The following ASB16 variants were observed in gnomAD, a reference collection of about 807,000 sequenced individuals.
ASB16 encodes ankyrin repeat and SOCS box containing 16, also known as ankyrin repeat and SOCS box protein 16.
ASB16 carries 44 observed loss-of-function variants against 39.1 expected under a neutral mutation model. The observed-to-expected ratio is 1.13, with a 90% CI of 0.88 to 1.45. The LOEUF is 1.45. Ranked by LOEUF, ASB16 falls within the 40% of genes most tolerant of loss-of-function variation. ASB16 has a pLI of 0.00. For missense variants in ASB16, 698 were observed against 634.5 expected (o/e 1.10, Z -1.07); for synonymous variants, 305 against 286.7 (o/e 1.06, Z -0.64).
At chr17:44,176,440 G>C in intron 2 of ASB16, 1 of 504,928 alleles carries the variant, frequency 2.0e-6, no homozygotes, top group South Asian at 2.1e-5. Flanking sequence ...TAGACTGTGG[G>C]AGGGACTGTC....
At chr17:44,177,393 A>G (rs1598125153) in intron 3 of ASB16, 163 bp downstream of exon 3, 2 of 1,203,198 alleles carry the variant, frequency 1.7e-6, no homozygotes, top group Non-Finnish European at 2.3e-6. Flanking sequence ...ATTCTGGGAG[A>G]GAGAGTCCAA....
At position 44,176,774 on chromosome 17, in the gene ASB16, G is replaced by A. The variant is rs1249298595; in HGVS notation, c.606G>A (p.Val202=). 6.2e-7 allele frequency: 1 copy of A among 1,613,938 alleles called. No homozygotes were observed. Among genetic ancestry groups the A allele is most frequent in the Non-Finnish European group, 8.5e-7 (1 of 1,179,932 alleles). Residue 202 remains valine (V), a synonymous_variant, in exon 3 of 5, where the codon GTG becomes GTA. Transcript: ENST00000293414. ...TGCTGCTGGAAGCAGGAGCGACGGT[G>A]AACCTGGCAGCAGGCGAGAGCCAGG... ...AKLLLEAGAT[V]NLAAGESQET... is the part of the protein sequence containing the mutation.
intron 3 of ASB16, 83 bp from the exon 4 acceptor site, chr17:44,177,526 G>A (rs2144193123): frequency 6.5e-7 from 1 of 1,531,502 alleles, no homozygotes; most frequent in Non-Finnish European, 8.9e-7. Flanking sequence ...ATTAGGCTAG[G>A]ATTGGCCATG....
intron 3 of ASB16, 106 bp from the exon 4 acceptor site, chr17:44,177,503 C>G (rs944032552): frequency 4.2e-6 from 6 of 1,414,960 alleles, no homozygotes; most frequent in Non-Finnish European, 5.8e-6. Flanking sequence ...AGACTCAGAC[C>G]TTAGCCCCCC....
chr17:44,176,507 G>C, intron 2 of ASB16: 1 of 654,772 alleles, frequency 1.5e-6, no homozygotes, highest in Non-Finnish European at 2.7e-6. Context: ...GTCCTTGGCT[G>C]CACAAATCAC....
At chr17:44,175,185 G>C (rs1309780718) in intron 2 of ASB16, among the ~76,000 whole-genome samples, 1 of 150,844 alleles carries the variant, frequency 6.6e-6, no homozygotes, top group Non-Finnish European at 1.5e-5. Context: ...GGATCACGAG[G>C]TCAGGAGATC....
intron 4 of ASB16, 89 bp downstream of exon 4, chr17:44,177,811 G>A (rs1179741670): frequency 6.5e-7 from 1 of 1,539,144 alleles, no homozygotes; most frequent in Admixed American, 2.0e-5. Context: ...AGCAGCAGGA[G>A]GGCCCCTGGG....
At chr17:44,176,032 G>C (rs1027091903) in intron 2 of ASB16, 8 of 152,140 alleles carry the variant, frequency 5.3e-5, no homozygotes, top group Admixed American at 3.9e-4. Flanking sequence ...ACACAGAAGT[G>C]GGTTTTCAAA....
Position 44,178,241 on chromosome 17 carries a change from G to C in ASB16, c.1213G>C (p.Val405Leu). The change falls in exon 5 of 5, where the codon GTG becomes CTG. Residue 405 changes from valine to leucine, a missense_variant. By Grantham distance (32) the Val-to-Leu change is conservative. Coordinates refer to ENST00000293414, the MANE Select transcript of ASB16 (RefSeq NM_080863.5). ...CTTCTACAGCTCGGCCCTGTGCATG[G>C]TGAACCAGCCAAGGCAGCTGCAGCA... is the stretch of plus-strand genomic sequence containing the variant. ...EAFYSSALCM[V>L]NQPRQLQHLA... 2 of 1,613,558 alleles carry C rather than the reference G, an allele frequency of 1.2e-6. No homozygotes were observed. The highest frequency in any genetic ancestry group is 1.7e-6 in the Non-Finnish European group (2 of 1,179,996).
chr17:44,178,187 C>A lies in ASB16; in HGVS notation c.1177-18C>A. 6.2e-7 allele frequency: 1 copy of A among 1,611,648 alleles called. No homozygotes were observed. Among genetic ancestry groups the A allele is most frequent in the East Asian group, 2.2e-5 (1 of 44,876 alleles). On this transcript the variant is annotated intron_variant, in intron 4 of 4. Transcript: ENST00000293414. ...GGTAGGGCAAGGGTCATCTGACCTT[C>A]TTTCACTCCTGGCCTAGGAGCACGA...
Position 44,178,443 on chromosome 17 carries a change from C to T in ASB16, c.*53C>T. 1 of 1,490,732 alleles carries T rather than the reference C, an allele frequency of 6.7e-7. No homozygotes were observed. Among genetic ancestry groups the T allele is most frequent in the Non-Finnish European group, 9.0e-7 (1 of 1,107,172 alleles). The allele number at this position is 1,490,732 out of a possible 1,614,324, so 92.3% of individuals were successfully genotyped here. A position where few individuals can be genotyped will look rare whatever the true frequency, so the allele number is the denominator to read the frequency against. The stretch of plus-strand genomic sequence containing the variant: ...GTTCTGCCCCTCCCACCTGTCCCCG[C>T]CTCCAACTGCGGAGGACCAGTTCCT... On this transcript the variant is annotated 3_prime_UTR_variant, in exon 5 of 5. Coordinates refer to ENST00000293414, the MANE Select transcript of ASB16 (RefSeq NM_080863.5).
intron 2 of ASB16, among the ~76,000 whole-genome samples, chr17:44,175,438 T>A (rs1313059910): frequency 6.7e-6 from 1 of 149,574 alleles, no homozygotes; most frequent in Non-Finnish European, 1.5e-5. Context: ...AATTAGTATT[T>A]GGAAACAAAA....
In ASB16 at chr17:44,172,278, T is replaced by C. The variant is rs1434404936; in HGVS notation, c.534T>C (p.Thr178=). Residue 178 remains threonine (T), a synonymous_variant, in exon 2 of 5, where the codon ACT becomes ACC. Coordinates refer to ENST00000293414, the MANE Select transcript of ASB16 (RefSeq NM_080863.5). The part of the protein sequence containing the change: ...KANVLTEEGT[T]PLHLCTIPES... ...ATGTGCTGACTGAGGAGGGCACGAC[T>C]CCTTTGCACCTCTGCACGATCCCCG... The C allele has an allele frequency of 6.2e-7, 1 of 1,613,556 alleles. No individual in the cohort carries two copies. The highest frequency in any genetic ancestry group is 2.2e-5 in the East Asian group (1 of 44,880).
chr17:44,176,868 G>A lies in ASB16; in HGVS notation c.700G>A (p.Ala234Thr), dbSNP rs74491716. 0.023 allele frequency: 36,561 copies of A among 1,607,844 alleles called. 498 individuals carry two copies. Among genetic ancestry groups the A allele is most frequent in the Non-Finnish European group, 0.024 (28,515 of 1,178,664 alleles). ...TGTGGCTCTGTACCTGGAGCATGGC[G>A]CCGACGTGGGCCTGCGCACCAGCCA... is the stretch of plus-strand genomic sequence containing the variant. The part of the protein sequence containing the change: ...QHVALYLEHG[A>T]DVGLRTSQGE... The change falls in exon 3 of 5, where the codon GCC (alanine) becomes ACC (threonine). Residue 234 changes from alanine to threonine, a missense_variant. By Grantham distance (58) the Ala-to-Thr change is moderately conservative. Transcript: ENST00000293414.
At chr17:44,173,808 T>G (rs1464911514) in intron 2 of ASB16, among the ~76,000 whole-genome samples, 12 of 152,040 alleles carry the variant, frequency 7.9e-5, no homozygotes, top group Admixed American at 7.2e-4. Flanking sequence ...GGCGGGACCC[T>G]GTCTTAAAAA....
Position 44,170,725 on chromosome 17 carries a change from G to T in ASB16, c.-65G>T. The T allele has an allele frequency of 6.6e-7, 1 of 1,505,262 alleles. No individual in the cohort carries two copies. The highest frequency in any genetic ancestry group is 8.9e-7 in the Non-Finnish European group (1 of 1,120,310). The allele number at this position is 1,505,262 out of a possible 1,614,324, so 93.2% of individuals were successfully genotyped here. Reference sequence around the variant, plus strand: ...CAGGGTGGCTCCTCAGAGCAAGGGAGGTAGTCGGGTCGAGGGAACCTGGCT... The same window carrying T: ...CAGGGTGGCTCCTCAGAGCAAGGGATGTAGTCGGGTCGAGGGAACCTGGCT... On this transcript the variant is annotated 5_prime_UTR_variant, in exon 1 of 5. The change creates a new upstream start codon in the 5' untranslated region. Transcript: ENST00000293414.
chr17:44,170,977 A>C lies in ASB16; in HGVS notation c.188A>C (p.Gln63Pro). The C allele has an allele frequency of 6.2e-7, 1 of 1,613,862 alleles. No homozygotes were observed. The highest frequency in any genetic ancestry group is 8.5e-7 in the Non-Finnish European group (1 of 1,180,000). The stretch of plus-strand genomic sequence containing the variant: ...TCCTGCCGAGACCCAGCTGTCCACC[A>C]AGCCCTCTTCTCCGGCAACCTGCAG... ...HRSCRDPAVH[Q>P]ALFSGNLQQV... Residue 63 changes from glutamine to proline, a missense_variant, in exon 1 of 5, where the codon CAA becomes CCA. Coordinates refer to ENST00000293414, the MANE Select transcript of ASB16 (RefSeq NM_080863.5).
intron 1 of ASB16, 74 bp downstream of exon 1, chr17:44,171,164 GC>G: frequency 6.9e-7 from 1 of 1,459,228 alleles, no homozygotes; most frequent in Non-Finnish European, 9.3e-7. Context: ...GAGAGTCTAG[GC>G]CCCTCCTTCC....
At chr17:44,172,456 G>T in intron 2 of ASB16, 143 bp downstream of exon 2, 1 of 966,112 alleles carries the variant, frequency 1.0e-6, no homozygotes, top group Non-Finnish European at 1.5e-6. Context: ...ACAATAACCT[G>T]GAGACACCTC....
Sources: gnomAD v4.1 joint callset for allele counts (sites outside exome capture counted in the v4.1 genomes callset) on GRCh38, gnomAD v4.1.1 for gene constraint, MANE v1.5 for transcripts, NCBI Gene and HGNC (gene_info 2026-07-23, HGNC 2026-07-21) for gene names.